STXBP2: variants seen among roughly 807,000 people sequenced by gnomAD.
The protein encoded by STXBP2 is syntaxin-binding protein 2.
A neutral mutation model predicts 72.2 loss-of-function variants in STXBP2; 47 were observed. The ratio of observed to expected loss-of-function variants is 0.65; its 90% CI spans 0.51 to 0.83. The LOEUF (loss-of-function observed/expected upper bound fraction) is 0.83, where lower values mean the gene tolerates loss of function less well. Ranked by LOEUF, STXBP2 falls within the 40% of genes least tolerant of loss-of-function variation. STXBP2 has a pLI of 0.00. For synonymous variants in STXBP2, 367 were observed against 338.7 expected, an observed-to-expected ratio of 1.08 and a Z score of -0.92; for missense variants, 702 against 807.6, an observed-to-expected ratio of 0.87 and a Z score of 1.58.
intron 3 of STXBP2, chr19:7,639,315 C>G: frequency 1.5e-6 from 1 of 649,048 alleles, no homozygotes; most frequent in East Asian, 2.7e-5. Flanking sequence ...GCAGGCCTCC[C>G]CTGCAGCACT....
intron 15 of STXBP2, chr19:7,645,966 C>T: frequency 1.8e-6 from 1 of 542,642 alleles, no homozygotes; most frequent in East Asian, 3.2e-5. Context: ...TCTTTGCCTT[C>T]ATACTTTGTC....
chr19:7,647,137 C>T (rs1183855068), intron 16 of STXBP2, 25 bp from the exon 17 acceptor site: 2 of 1,610,088 alleles, frequency 1.2e-6, no homozygotes, highest in African/African-American at 2.7e-5. Context: ...GGGGTTCCTC[C>T]CCTAACCTGC....
At position 7,642,233 on chromosome 19, in the gene STXBP2, A is replaced by G. The variant is rs760638875; in HGVS notation, c.694A>G (p.Ile232Val). The G allele has an allele frequency of 1.2e-6, 2 of 1,614,144 alleles. No individual in the cohort carries two copies. Among genetic ancestry groups the G allele is most frequent in the Admixed American group, 3.3e-5 (2 of 60,018 alleles). Residue 232 changes from isoleucine (I) to valine (V), a missense_variant, in exon 9 of 19, where the codon ATA becomes GTA. By Grantham distance (29) the Ile-to-Val change is conservative. Transcript: ENST00000221283. This position sits in a 1 kb window ranked among gnomAD's most constrained non-coding sequence, Gnocchi z 6.0. Reference sequence around the variant, plus strand: ...AGAGAAAACCCGCTCCCAGCTGCTGATAATGGACCGGGCAGCTGACCCCGT... The same window carrying G: ...AGAGAAAACCCGCTCCCAGCTGCTGGTAATGGACCGGGCAGCTGACCCCGT... ...GPEKTRSQLL[I>V]MDRAADPVSP...
chr19:7,634,616 T>C (rs11673006), upstream of STXBP2, among the ~76,000 whole-genome samples: 44,368 of 152,204 alleles, frequency 0.29, 7,155 homozygotes, highest in Non-Finnish European at 0.37. Flanking sequence ...GTGATCCTCC[T>C]GCCTGGGCCT....
chr19:7,645,192 C>T lies in STXBP2; in HGVS notation c.1247-5C>T. 2 of 1,557,544 alleles carry T rather than the reference C, an allele frequency of 1.3e-6. No homozygotes were observed. The highest frequency in any genetic ancestry group is 1.7e-6 in the Non-Finnish European group (2 of 1,149,748). On this transcript the variant is annotated splice_region_variant and splice_polypyrimidine_tract_variant and intron_variant, in intron 14 of 18. Transcript: ENST00000221283. ...GCCTCCACCCTGCCCATTCCCGTCC[C>T]CCAGGTGTGAGTGAGGAGAACCTGG... is the stretch of plus-strand genomic sequence containing the variant.
chr19:7,633,160 A>G (rs150142849), upstream of STXBP2: 232 of 330,314 alleles, frequency 7.0e-4, no homozygotes, highest in African/African-American at 4.9e-3. Context: ...TCAGGGAAAC[A>G]TGGCCCAGGA....
At position 7,647,837 on chromosome 19, in the gene STXBP2, C is replaced by G. The variant is rs2032200076; in HGVS notation, c.*27C>G. ...CCCTGGCCCCGCCCCCTACCCCTCC[C>G]TTTCCAGAGAAATAAACTCTTCCCG... On this transcript the variant is annotated 3_prime_UTR_variant, in exon 19 of 19. Coordinates refer to ENST00000221283, the MANE Select transcript of STXBP2 (RefSeq NM_006949.4). The G allele has an allele frequency of 6.3e-7, 1 of 1,585,166 alleles. No homozygotes were observed. The highest frequency in any genetic ancestry group is 8.6e-7 in the Non-Finnish European group (1 of 1,156,446).
In STXBP2 at chr19:7,639,148, CT is replaced by C. The variant is rs1568463483; in HGVS notation, c.169+49del. 2.5e-5 allele frequency: 40 copies of C among 1,588,506 alleles called. No homozygotes were observed. The East Asian group carries it at 9.0e-4, about 36-fold the overall frequency. ...AGATGGGACCTGAGCGTGGGAACCCCTGACTGTGCCCCTCTCCCAGGGTTCA... is the reference window on the plus strand; with the variant it reads ...AGATGGGACCTGAGCGTGGGAACCCCGACTGTGCCCCTCTCCCAGGGTTCA... On this transcript the variant is annotated intron_variant, in intron 3 of 18. Coordinates refer to ENST00000221283, the MANE Select transcript of STXBP2 (RefSeq NM_006949.4).
At chr19:7,640,235 T>G (rs757706798) in intron 4 of STXBP2, 4 of 546,484 alleles carry the variant, frequency 7.3e-6, no homozygotes, top group Non-Finnish European at 1.4e-5. Context: ...TGTGTGCGTC[T>G]GTGTGTATCT....
intron 16 of STXBP2, 89 bp downstream of exon 16, chr19:7,646,433 C>A: frequency 8.1e-7 from 1 of 1,231,608 alleles, no homozygotes; most frequent in Non-Finnish European, 1.2e-6. Flanking sequence ...AGCCTCAGGG[C>A]TTAGGGGAAA....
rs374024667 is a variant in STXBP2 at position 7,645,163 on chromosome 19, C to T, written c.1247-34C>T. 44 of 1,548,006 alleles carry T rather than the reference C, an allele frequency of 2.8e-5. 1 individual carries two copies. The highest frequency in any genetic ancestry group is 1.7e-4 in the Middle Eastern group (1 of 5,974). Reference sequence around the variant, plus strand: ...CCCTAAACCTGGGAGCTCACCTGGCCGCCGCCTCCACCCTGCCCATTCCCG... The same window carrying T: ...CCCTAAACCTGGGAGCTCACCTGGCTGCCGCCTCCACCCTGCCCATTCCCG... On this transcript the variant is annotated intron_variant, in intron 14 of 18. Coordinates refer to ENST00000221283, the MANE Select transcript of STXBP2 (RefSeq NM_006949.4).
chr19:7,644,510 C>A, intron 13 of STXBP2, 104 bp from the exon 14 acceptor site: 1 of 1,518,520 alleles, frequency 6.6e-7, no homozygotes, highest in Non-Finnish European at 8.9e-7. Flanking sequence ...AGGTAGGACC[C>A]AAATGTCCTC....
At chr19:7,632,379 A>G (rs1294364572), upstream of STXBP2, 5 of 1,613,642 alleles carry the variant, frequency 3.1e-6, no homozygotes, top group South Asian at 5.5e-5. This position sits in a 1 kb window ranked among gnomAD's most constrained non-coding sequence, Gnocchi z 5.2. Context: ...CGACATCGCC[A>G]GAACATCACC....
chr19:7,635,893 C>CAGAA (rs1251516787), upstream of STXBP2, among the ~76,000 whole-genome samples: 2 of 152,178 alleles, frequency 1.3e-5, no homozygotes, highest in Non-Finnish European at 2.9e-5. Flanking sequence ...CCTTGTCCTA[C>CAGAA]AGAAGTCTGG....
rs796488505 is a variant in STXBP2 at position 7,638,767 on chromosome 19, G to C, written c.79G>C (p.Glu27Gln). Residue 27 changes from glutamate (E) to glutamine (Q), a missense_variant, in exon 2 of 19, where the codon GAG (glutamate) becomes CAG (glutamine). Physicochemically the swap from Glu to Gln is conservative, Grantham distance 29. Transcript: ENST00000221283. ...TATTCGGAGTGTCAAGAAGGATGGG[G>C]AGTGGAAGGTAGGGGTGAGGCAGAT... The part of the protein sequence containing the change: ...GVIRSVKKDG[E>Q]WKVLIMDHPS... The C allele has an allele frequency of 2.5e-6, 4 of 1,614,070 alleles. No individual in the cohort carries two copies. In the Admixed American group the frequency reaches 6.7e-5, roughly 27 times the overall value.
In STXBP2 at chr19:7,643,568, G is replaced by A. The variant is rs942577137; in HGVS notation, c.1107+323G>A. 6.6e-5 allele frequency among the ~76,000 whole-genome samples: 10 copies of A among 151,818 alleles called. No individual in the cohort carries two copies. In the East Asian group the frequency reaches 1.9e-3, roughly 30 times the overall value. On this transcript the variant is annotated intron_variant, in intron 13 of 18. Coordinates refer to ENST00000221283, the MANE Select transcript of STXBP2 (RefSeq NM_006949.4). The stretch of plus-strand genomic sequence containing the variant: ...GGTGGGACCTTGGAGAGGTAGGCAG[G>A]GCCTTGGAGAGGTGCGACCTGGGAG...
In STXBP2 at chr19:7,647,643, C is replaced by T. The variant is rs2032190278; in HGVS notation, c.1697-82C>T. ...GGTTTGCTGAGGGACAGGGACAGCC[C>T]CACACCAGCCGGGACCGGGAGCCTG... On this transcript the variant is annotated intron_variant, in intron 18 of 18. Transcript: ENST00000221283. The T allele has an allele frequency of 1.1e-5, 17 of 1,599,456 alleles. No individual in the cohort carries two copies. The South Asian group carries it at 1.5e-4, about 15-fold the overall frequency.
the STXBP2 span, chr19:7,631,739 G>T: frequency 9.0e-6 from 13 of 1,448,012 alleles, no homozygotes; most frequent in Non-Finnish European, 1.1e-5. Flanking sequence ...CGGAAGCCGA[G>T]AGCGGTCGGG....
chr19:7,640,052 G>C (rs981609996), intron 4 of STXBP2: 5 of 638,780 alleles, frequency 7.8e-6, no homozygotes, highest in African/African-American at 3.9e-5. Context: ...GTGTGCATTT[G>C]TGTGTATGTG....
Sources: allele counts gnomAD v4.1 joint callset (sites outside exome capture counted in the v4.1 genomes callset), GRCh38; gene constraint gnomAD v4.1.1; non-coding constraint Gnocchi (gnomAD v3.1); transcripts MANE v1.5; gene names NCBI Gene and HGNC (gene_info 2026-07-23, HGNC 2026-07-21).